ADAMTSL1: variants seen among roughly 807,000 people sequenced by gnomAD.
ADAMTSL1 encodes ADAMTS like 1.
In ADAMTSL1, 126 loss-of-function variants were observed where a neutral mutation model predicts 201.8. The observed-to-expected ratio is 0.62, with a 90% confidence interval of 0.54 to 0.72. The LOEUF is 0.72. ADAMTSL1 is among the 30% of genes least tolerant of loss of function. ADAMTSL1 has a pLI of 0.00. For missense variants in ADAMTSL1, 2,679 were observed against 2,277.8 expected, an observed-to-expected ratio of 1.18 and a Z score of -3.59; for synonymous variants, 1,121 against 903.4, an observed-to-expected ratio of 1.24 and a Z score of -4.32.
At chr9:18,578,482 A>G (rs1032056197) in intron 4 of ADAMTSL1, among the ~76,000 whole-genome samples, 6 of 152,168 alleles carry the variant, frequency 3.9e-5, no homozygotes, top group African/African-American at 1.4e-4. Flanking sequence ...TTGTCATTGT[A>G]TGAATAGTTA....
At chr9:18,288,953 G>C (rs186510835) in intron 2 of ADAMTSL1, among the ~76,000 whole-genome samples, 6 of 152,190 alleles carry the variant, frequency 3.9e-5, no homozygotes, top group African/African-American at 1.4e-4. Flanking sequence ...AGTCTTTCTA[G>C]CCTGTGGTTT....
chr9:18,722,954 G>C, intron 15 of ADAMTSL1: 1 of 750,816 alleles, frequency 1.3e-6, no homozygotes, highest in Non-Finnish European at 2.5e-6. Flanking sequence ...TAGTTGTTGA[G>C]CCTAAATGTG....
At chr9:17,966,704 T>C (rs1817992470) in intron 1 of ADAMTSL1, among the ~76,000 whole-genome samples, 1 of 152,198 alleles carries the variant, frequency 6.6e-6, no homozygotes, top group African/African-American at 2.4e-5. Context: ...TTGGCCTTAA[T>C]ATTTATATCT....
At chr9:17,931,693 A>G (rs936270851) in intron 1 of ADAMTSL1, among the ~76,000 whole-genome samples, 1 of 152,038 alleles carries the variant, frequency 6.6e-6, no homozygotes, top group Non-Finnish European at 1.5e-5. Context: ...TGTTTGATTG[A>G]CATTTATCAG....
intron 2 of ADAMTSL1, among the ~76,000 whole-genome samples, chr9:18,318,685 CTGA>C (rs1172834747): frequency 4.0e-5 from 6 of 151,882 alleles, no homozygotes; most frequent in African/African-American, 1.2e-4. Flanking sequence ...CCCAGAGATT[CTGA>C]TGTCTCCTCT....
At chr9:18,821,721 T>C (rs1824221984) in intron 21 of ADAMTSL1, among the ~76,000 whole-genome samples, 1 of 152,104 alleles carries the variant, frequency 6.6e-6, no homozygotes, top group Admixed American at 6.5e-5. Context: ...TCTCTTTTCT[T>C]TCCCTAAGCC....
At chr9:18,056,549 G>T (rs185589340) in intron 1 of ADAMTSL1, among the ~76,000 whole-genome samples, 2 of 152,034 alleles carry the variant, frequency 1.3e-5, no homozygotes, top group Non-Finnish European at 2.9e-5. Context: ...ATAGGGAGAC[G>T]GTTATTTGTT....
chr9:18,476,357 C>A (rs890333549), intron 1 of ADAMTSL1, among the ~76,000 whole-genome samples: 1 of 152,066 alleles, frequency 6.6e-6, no homozygotes, highest in Non-Finnish European at 1.5e-5. Context: ...GAGAATAGAA[C>A]ATGTTTGCTT....
At chr9:18,098,459 CTT>C (rs1284083373) in intron 1 of ADAMTSL1, among the ~76,000 whole-genome samples, 4 of 152,136 alleles carry the variant, frequency 2.6e-5, no homozygotes, top group Non-Finnish European at 5.9e-5. Context: ...ACTGAGAACT[CTT>C]TTGTTAAATT....
rs149317419 is a variant in ADAMTSL1, at chr9:18,098,639, C to A, written c.88-65223C>A. On this transcript the variant is annotated intron_variant, in intron 1 of 29. Coordinates refer to the ADAMTSL1 transcript ENST00000680146. ...TTGGAAGATCCTTGAGTGTTATCTG[C>A]AAACCATGACATGCTAACAACTTCA... 5.2e-3 allele frequency among the ~76,000 whole-genome samples: 794 copies of A among 152,336 alleles called. 12 individuals carry two copies. The highest frequency in any genetic ancestry group is 0.018 in the African/African-American group (741 of 41,580).
At position 18,189,097 on chromosome 9, in the gene ADAMTSL1, G is replaced by A. The variant is rs1200537191; in HGVS notation, c.207+25116G>A. On this transcript the variant is annotated intron_variant, in intron 2 of 29. Transcript: ENST00000680146. ...GGAAAAGCTGTATCCTAAGTAAATC[G>A]TTTATATTTCCCACCAGCTAATTGG... Among the ~76,000 whole-genome samples the A allele has an allele frequency of 1.2e-4, 18 of 152,234 alleles. 2 individuals are homozygous for A.
intron 1 of ADAMTSL1, among the ~76,000 whole-genome samples, chr9:18,048,892 C>T (rs984474721): frequency 2.0e-5 from 3 of 152,122 alleles, no homozygotes; most frequent in Non-Finnish European, 2.9e-5. Context: ...CAGAAATGTA[C>T]TTTTTGACAG....
At chr9:18,178,900 A>C (rs1430681578) in intron 2 of ADAMTSL1, among the ~76,000 whole-genome samples, 1 of 151,876 alleles carries the variant, frequency 6.6e-6, no homozygotes, top group African/African-American at 2.4e-5. Context: ...CAAAGACCAA[A>C]AGTAGATAAA....
In ADAMTSL1 at chr9:18,520,479, G is replaced by T. The variant is rs543298720; in HGVS notation, c.192-12768G>T. ...GAGGTCACAAAAATATGTTATCTATGCCAAAGAAACACTTTTAAGTCTAGT... is the reference window on the plus strand; with the variant it reads ...GAGGTCACAAAAATATGTTATCTATTCCAAAGAAACACTTTTAAGTCTAGT... On this transcript the variant is annotated intron_variant, in intron 2 of 28. Transcript: ENST00000380548. 6.6e-5 allele frequency among the ~76,000 whole-genome samples: 10 copies of T among 152,294 alleles called. No individual in the cohort carries two copies. In the South Asian group the frequency reaches 1.9e-3, roughly 28 times the overall value.
chr9:18,785,635 A>T (rs746533293), intron 19 of ADAMTSL1, among the ~76,000 whole-genome samples: 9 of 152,228 alleles, frequency 5.9e-5, no homozygotes, highest in Non-Finnish European at 8.8e-5. Flanking sequence ...ACACATTTGG[A>T]GATGAGACTC....
At chr9:18,269,666 A>C (rs1462180619) in intron 2 of ADAMTSL1, among the ~76,000 whole-genome samples, 1 of 152,146 alleles carries the variant, frequency 6.6e-6, no homozygotes, top group Non-Finnish European at 1.5e-5. Context: ...ATCTACTTGA[A>C]AATGTGGTGA....
chr9:18,652,421 T>C (rs889856968), intron 7 of ADAMTSL1, among the ~76,000 whole-genome samples: 1 of 150,962 alleles, frequency 6.6e-6, no homozygotes, highest in African/African-American at 2.4e-5. Context: ...CTGGGCAGCC[T>C]GTAAATCTTG....
At chr9:18,494,271 G>A (rs147860233) in intron 1 of ADAMTSL1, among the ~76,000 whole-genome samples, 60 of 151,592 alleles carry the variant, frequency 4.0e-4, no homozygotes, top group African/African-American at 1.4e-3. Flanking sequence ...CAGGCGAATC[G>A]CTTGAACCCA....
chr9:18,793,119 C>G (rs1046980216), intron 19 of ADAMTSL1: 5 of 152,208 alleles, frequency 3.3e-5, no homozygotes, highest in Admixed American at 3.3e-4. Context: ...TGGAATAGCA[C>G]TAAATCAAGC....
Sources: gnomAD v4.1 joint callset for allele counts (sites outside exome capture counted in the v4.1 genomes callset) on GRCh38, gnomAD v4.1.1 for gene constraint, MANE v1.5 for transcripts, NCBI Gene and HGNC (gene_info 2026-07-23, HGNC 2026-07-21) for gene names.